The following TMPRSS11F variants were observed in gnomAD, a reference collection of about 807,000 sequenced individuals.
The protein encoded by TMPRSS11F is transmembrane protease serine 11F.
TMPRSS11F carries 47 observed loss-of-function variants against 60.2 expected under a neutral mutation model. That is an observed-to-expected ratio of 0.78 (90% CI 0.62 to 1.00). The LOEUF is 1.00. Ranked by LOEUF, TMPRSS11F falls within the 50% of genes least tolerant of loss-of-function variation. The pLI is 0.00. For missense variants in TMPRSS11F, 519 were observed against 522.9 expected (o/e 0.99, Z 0.07); for synonymous variants, 166 against 167.3 (o/e 0.99, Z 0.06).
At chr4:68,105,096 G>A (rs1162009765) in intron 1 of TMPRSS11F, among the ~76,000 whole-genome samples, 3 of 109,678 alleles carry the variant, frequency 2.7e-5, no homozygotes, top group Non-Finnish European at 5.3e-5. Context: ...GGAAGTATTG[G>A]TATCAATTCT....
At chr4:68,074,812 G>A (rs1723550493) in intron 3 of TMPRSS11F, among the ~76,000 whole-genome samples, 1 of 152,100 alleles carries the variant, frequency 6.6e-6, no homozygotes, top group Admixed American at 6.5e-5. Flanking sequence ...AAAGCACTGG[G>A]CTAGCAGGGT....
chr4:68,064,572 T>C, intron 8 of TMPRSS11F, 113 bp downstream of exon 8: 2 of 1,252,928 alleles, frequency 1.6e-6, no homozygotes, highest in South Asian at 2.9e-5. Context: ...AGGCCACACA[T>C]ACTGGAAAGA....
In TMPRSS11F at chr4:68,129,666, A is replaced by T. The variant is rs936939803; in HGVS notation, c.11+144T>A. ...GATATTTAAAAACAACAACAATAAA[A>T]CTTTAATATAAAATACAATAACACA... On this transcript the variant is annotated intron_variant, in intron 1 of 9. Coordinates refer to ENST00000356291, the MANE Select transcript of TMPRSS11F (RefSeq NM_207407.2). 59 of 660,480 alleles carry T rather than the reference A, an allele frequency of 8.9e-5. 1 individual carries two copies. The Middle Eastern group carries it at 1.2e-3, about 14-fold the overall frequency. The allele number at this position is 660,480 out of a possible 1,614,324, so 40.9% of individuals were successfully genotyped here.
At position 68,111,375 on chromosome 4, in the gene TMPRSS11F, A is replaced by C. The variant is rs527439037; in HGVS notation, c.12-12337T>G. On this transcript the variant is annotated intron_variant, in intron 1 of 9. Transcript: ENST00000356291. Reference sequence around the variant, plus strand: ...AAACAAAATAAAACAAAACAAAAAAACATGAAACAGATGGCCCAATACTTG... The same window carrying C: ...AAACAAAATAAAACAAAACAAAAAACCATGAAACAGATGGCCCAATACTTG... 6.6e-5 allele frequency among the ~76,000 whole-genome samples: 10 copies of C among 152,314 alleles called. 2 individuals carry two copies. The highest frequency in any genetic ancestry group is 2.4e-4 in the African/African-American group (10 of 41,574).
chr4:68,109,181 T>C (rs1724359402), intron 1 of TMPRSS11F, among the ~76,000 whole-genome samples: 1 of 152,108 alleles, frequency 6.6e-6, no homozygotes, highest in Non-Finnish European at 1.5e-5. Flanking sequence ...CAAGTTCTAA[T>C]TGAGCACCTA....
intron 7 of TMPRSS11F, among the ~76,000 whole-genome samples, chr4:68,067,602 CA>C (rs1400031393): frequency 6.6e-6 from 1 of 152,244 alleles, no homozygotes; most frequent in Non-Finnish European, 1.5e-5. Flanking sequence ...AAAATCTTCA[CA>C]AGTGAGTGGG....
intron 3 of TMPRSS11F, among the ~76,000 whole-genome samples, chr4:68,083,882 G>A (rs1723756087): frequency 6.6e-6 from 1 of 152,086 alleles, no homozygotes; most frequent in Admixed American, 6.6e-5. Context: ...GGATAGCAAG[G>A]ATACTCATTG....
intron 8 of TMPRSS11F, among the ~76,000 whole-genome samples, chr4:68,061,101 T>C (rs1723164469): frequency 6.6e-6 from 1 of 152,018 alleles, no homozygotes; most frequent in South Asian, 2.1e-4. Context: ...ATACATTAGG[T>C]AAGAAGCAAA....
intron 1 of TMPRSS11F, among the ~76,000 whole-genome samples, chr4:68,103,952 T>C (rs1385144520): frequency 6.6e-6 from 1 of 152,190 alleles, no homozygotes; most frequent in Non-Finnish European, 1.5e-5. Flanking sequence ...TATTTTTCAA[T>C]TAGGTTGTTA....
chr4:68,122,503 T>A (rs544499018), intron 1 of TMPRSS11F, among the ~76,000 whole-genome samples: 1 of 152,320 alleles, frequency 6.6e-6, no homozygotes, highest in East Asian at 1.9e-4. Context: ...TCATGTATTG[T>A]CTCCTATGCA....
At chr4:68,061,954 C>T (rs749593606) in intron 8 of TMPRSS11F, 3 of 441,616 alleles carry the variant, frequency 6.8e-6, no homozygotes, top group Non-Finnish European at 1.3e-5. Flanking sequence ...CTTGTCTGCA[C>T]TTAGATTTAG....
chr4:68,100,994 C>A (rs978273396), intron 1 of TMPRSS11F, among the ~76,000 whole-genome samples: 1 of 152,052 alleles, frequency 6.6e-6, no homozygotes, highest in South Asian at 2.1e-4. Context: ...CATTCCTTTT[C>A]CCCCTTAGTT....
chr4:68,074,044 C>T (rs1723535788), intron 3 of TMPRSS11F, 35 bp from the exon 4 acceptor site: 1 of 1,254,606 alleles, frequency 8.0e-7, no homozygotes, highest in Non-Finnish European at 1.1e-6. Flanking sequence ...GTCTTCAGAA[C>T]TTAAAAGTAA....
intron 1 of TMPRSS11F, among the ~76,000 whole-genome samples, chr4:68,106,104 G>A (rs921897704): frequency 6.6e-6 from 1 of 152,028 alleles, no homozygotes; most frequent in African/African-American, 2.4e-5. Flanking sequence ...TCATTATTAT[G>A]TCCATATCAT....
chr4:68,071,849 A>G lies in TMPRSS11F; in HGVS notation c.514+474T>C, dbSNP rs112969582. Reference sequence around the variant, plus strand: ...ACAGTTCATGTCACTGGCTCTTCCTACAGGGGTAAACCTTCATGAAGATGT... The same window carrying G: ...ACAGTTCATGTCACTGGCTCTTCCTGCAGGGGTAAACCTTCATGAAGATGT... On this transcript the variant is annotated intron_variant, in intron 5 of 9. Transcript: ENST00000356291. Among the ~76,000 whole-genome samples the G allele has an allele frequency of 5.1e-3, 770 of 152,240 alleles. 9 individuals are homozygous for G. The highest frequency in any genetic ancestry group is 0.018 in the African/African-American group (749 of 41,558).
chr4:68,113,858 AT>A (rs1349322985), intron 1 of TMPRSS11F, among the ~76,000 whole-genome samples: 5 of 152,178 alleles, frequency 3.3e-5, no homozygotes, highest in African/African-American at 1.2e-4. Flanking sequence ...TACAAAACTA[AT>A]AAAAAAAGAG....
intron 1 of TMPRSS11F, among the ~76,000 whole-genome samples, chr4:68,100,759 A>G (rs1195151613): frequency 6.6e-6 from 1 of 152,098 alleles, no homozygotes; most frequent in Admixed American, 6.6e-5. Context: ...GACTTATTTT[A>G]TTTTAGTTGT....
rs1224268216 is a variant in TMPRSS11F, at chr4:68,072,224, AAAAAAAATATATAT to A, written c.514+85_514+98del. The A allele has an allele frequency of 7.7e-4, 31 of 40,406 alleles. 5 individuals carry two copies. In the South Asian group the frequency reaches 0.016, roughly 20 times the overall value. The allele number at this position is 40,406 out of a possible 1,614,324, so 2.5% of individuals were successfully genotyped here. A position where few individuals can be genotyped will look rare whatever the true frequency, so the allele number is the denominator to read the frequency against. On this transcript the variant is annotated intron_variant, in intron 5 of 9. Coordinates refer to ENST00000356291, the MANE Select transcript of TMPRSS11F (RefSeq NM_207407.2). ...TTATATATATATATATATCTTCCAAAAAAAAAATATATATATATATATATATTGCTTACAAAAAT... is the reference window on the plus strand; with the variant it reads ...TTATATATATATATATATCTTCCAAAATATATATATATTGCTTACAAAAAT...
intron 2 of TMPRSS11F, among the ~76,000 whole-genome samples, chr4:68,091,753 C>CTATCTATCTATCTA (rs373692229): frequency 0.015 from 1,470 of 101,026 alleles, 19 homozygotes; most frequent in East Asian, 0.023. Context: ...TCTAATCTCT[C>CTATCTATCTATCTA]TCTCTCTCTC....
Sources: allele counts gnomAD v4.1 joint callset (sites outside exome capture counted in the v4.1 genomes callset), GRCh38; gene constraint gnomAD v4.1.1; transcripts MANE v1.5; gene names NCBI Gene and HGNC (gene_info 2026-07-23, HGNC 2026-07-21).